ANKRD12: variants seen among roughly 807,000 people sequenced by gnomAD.
ANKRD12 encodes the protein ankyrin repeat domain-containing protein 12.
A neutral mutation model predicts 183.4 loss-of-function variants in ANKRD12; 85 were observed. That is an observed-to-expected ratio of 0.46 (90% CI 0.39 to 0.56). The LOEUF (loss-of-function observed/expected upper bound fraction) is 0.56. ANKRD12 is among the 20% of genes least tolerant of loss of function. The probability of loss-of-function intolerance (pLI) is 0.00; values close to 1 mark genes in which losing one functional copy is unlikely to be tolerated. For missense variants in ANKRD12, 2,405 were observed against 2,357.1 expected (o/e 1.02, Z -0.42); for synonymous variants, 914 against 800.2 (o/e 1.14, Z -2.40).
chr18:9,196,469 T>C (rs1411007887), intron 3 of ANKRD12, among the ~76,000 whole-genome samples: 1 of 152,214 alleles, frequency 6.6e-6, no homozygotes, highest in Non-Finnish European at 1.5e-5. Flanking sequence ...AATAATGAAC[T>C]GTTCTTAAAA....
At chr18:9,192,040 C>T (rs2034487883) in intron 2 of ANKRD12, among the ~76,000 whole-genome samples, 1 of 152,182 alleles carries the variant, frequency 6.6e-6, no homozygotes, top group Non-Finnish European at 1.5e-5. Context: ...CCTGGTACTT[C>T]CCTGTGTGGT....
chr18:9,193,569 C>T (rs72937259), intron 2 of ANKRD12, among the ~76,000 whole-genome samples: 11,146 of 151,826 alleles, frequency 0.073, 420 homozygotes, highest in African/African-American at 0.082. Flanking sequence ...ATTAAGTTCA[C>T]CAAAGGTTTG....
At chr18:9,191,211 C>T (rs2034434910) in intron 2 of ANKRD12, among the ~76,000 whole-genome samples, 1 of 152,146 alleles carries the variant, frequency 6.6e-6, no homozygotes, top group Non-Finnish European at 1.5e-5. Context: ...ATAAACCTAA[C>T]AGAGTTATGG....
At chr18:9,230,834 T>TA (rs202242592) in intron 8 of ANKRD12, among the ~76,000 whole-genome samples, 57 of 140,822 alleles carry the variant, frequency 4.0e-4, no homozygotes, top group Admixed American at 1.9e-3. Context: ...AATTTTTGTA[T>TA]TTTTTTTTTT....
At chr18:9,277,236 G>A (rs922651945) in intron 11 of ANKRD12, among the ~76,000 whole-genome samples, 1 of 151,612 alleles carries the variant, frequency 6.6e-6, no homozygotes, top group South Asian at 2.1e-4. Context: ...TGGGAGGATC[G>A]ATTAAGCCAA....
rs543689065 is a variant in ANKRD12 at position 9,211,014 on chromosome 18, T to A, written c.452-570T>A. Among the ~76,000 whole-genome samples the A allele has an allele frequency of 5.3e-5, 8 of 152,066 alleles. No individual in the cohort carries two copies. The South Asian group carries it at 6.2e-4, about 12-fold the overall frequency. ...CATCATCTAATTTAACTTTTTTTTT[T>A]TAAATATAGAAACTAGAACAAATAT... On this transcript the variant is annotated intron_variant, in intron 5 of 12. Transcript: ENST00000262126.
intron 1 of ANKRD12, among the ~76,000 whole-genome samples, chr18:9,179,678 G>C (rs1021565015): frequency 6.6e-6 from 1 of 152,024 alleles, no homozygotes; most frequent in Admixed American, 6.6e-5. Flanking sequence ...ACCATGCCCA[G>C]CTAATTTTTG....
chr18:9,141,406 G>A (rs192464825), intron 1 of ANKRD12, among the ~76,000 whole-genome samples: 103 of 152,202 alleles, frequency 6.8e-4, no homozygotes, highest in African/African-American at 2.4e-3. Flanking sequence ...AACTCATTTA[G>A]GATTTTCATA....
At chr18:9,142,500 A>G (rs1306989013) in intron 1 of ANKRD12, among the ~76,000 whole-genome samples, 1 of 151,692 alleles carries the variant, frequency 6.6e-6, no homozygotes, top group Non-Finnish European at 1.5e-5. Context: ...CACCAAATTC[A>G]TATTGTACAC....
At chr18:9,160,570 G>A (rs1375355708) in intron 1 of ANKRD12, among the ~76,000 whole-genome samples, 1 of 152,216 alleles carries the variant, frequency 6.6e-6, no homozygotes, top group Non-Finnish European at 1.5e-5. Flanking sequence ...CCCCTGGCAA[G>A]CACTGATGGA....
intron 1 of ANKRD12, among the ~76,000 whole-genome samples, chr18:9,137,331 G>A (rs1173453430): frequency 2.7e-5 from 4 of 146,534 alleles, no homozygotes; most frequent in Non-Finnish European, 6.1e-5. Context: ...GGAGGGCCGC[G>A]AGCTGGCCTC....
chr18:9,281,215 GC>G lies in ANKRD12; in HGVS notation c.*91del. The G allele has an allele frequency of 9.2e-7, 1 of 1,092,484 alleles. No individual in the cohort carries two copies. The highest frequency in any genetic ancestry group is 1.3e-6 in the Non-Finnish European group (1 of 766,832). 67.7% of individuals were successfully genotyped at this position (1,092,484 alleles called of 1,614,324 possible). On this transcript the variant is annotated 3_prime_UTR_variant, in exon 13 of 13. Transcript: ENST00000262126. ...ACTGCCTTTTGACAAAAATACTCAT[GC>G]CTTTACAATTGTTAGTAAAGTTCGA...
chr18:9,165,863 TCCCCCCCTCC>T (rs2031994567), intron 1 of ANKRD12, among the ~76,000 whole-genome samples: 1 of 94,070 alleles, frequency 1.1e-5, no homozygotes, highest in Admixed American at 1.2e-4. Context: ...ATGCTATCCC[TCCCCCCCTCC>T]CCCCACCCCA....
rs868249871 is a variant in ANKRD12 at position 9,192,341 on chromosome 18, A to G, written c.88-3210A>G. ...GGGTTTTCTTTAATCTTTTGATACA[A>G]TGAATTAAGAGGTTTTCTATCAGTG... On this transcript the variant is annotated intron_variant, in intron 2 of 12. Coordinates refer to ENST00000262126, the MANE Select transcript of ANKRD12 (RefSeq NM_015208.5). 7.9e-5 allele frequency among the ~76,000 whole-genome samples: 12 copies of G among 152,320 alleles called. No individual in the cohort carries two copies. The South Asian group carries it at 1.9e-3, about 24-fold the overall frequency.
intron 8 of ANKRD12, among the ~76,000 whole-genome samples, chr18:9,252,617 A>G (rs1375917110): frequency 6.6e-6 from 1 of 152,256 alleles, no homozygotes; most frequent in Non-Finnish European, 1.5e-5. Flanking sequence ...AATCAGGATC[A>G]CAAATGACAA....
intron 1 of ANKRD12, among the ~76,000 whole-genome samples, chr18:9,148,390 C>T (rs188001251): frequency 1.3e-5 from 2 of 151,988 alleles, no homozygotes; most frequent in East Asian, 3.9e-4. Flanking sequence ...ATATAACTGC[C>T]CATATTTATT....
At chr18:9,244,393 C>CT (rs2037835782) in intron 8 of ANKRD12, among the ~76,000 whole-genome samples, 1 of 151,906 alleles carries the variant, frequency 6.6e-6, no homozygotes, top group Non-Finnish European at 1.5e-5. Context: ...CTATATTGCC[C>CT]AGGCTGGTCT....
chr18:9,251,774 C>T (rs886642605), intron 8 of ANKRD12, among the ~76,000 whole-genome samples: 14 of 151,946 alleles, frequency 9.2e-5, no homozygotes, highest in Non-Finnish European at 1.8e-4. Context: ...ACCTGGGCGA[C>T]GGAGCGAGAC....
chr18:9,255,097 A>C lies in ANKRD12; in HGVS notation c.1830A>C (p.Lys610Asn). 1 of 1,578,814 alleles carries C rather than the reference A, an allele frequency of 6.3e-7. No homozygotes were observed. The highest frequency in any genetic ancestry group is 8.6e-7 in the Non-Finnish European group (1 of 1,169,234). The change falls in exon 9 of 13, where the codon AAA (lysine) becomes AAC (asparagine). Residue 610 changes from lysine (K) to asparagine (N), a missense_variant. Coordinates refer to ENST00000262126, the MANE Select transcript of ANKRD12 (RefSeq NM_015208.5). ...ATAAGGAAAAAAGCAAACATCAGAA[A>C]GATTTCCACTTAGAATTTGGTGAAA... Reference protein sequence around the residue: ...CKHKEKSKHQKDFHLEFGEKS... With the variant: ...CKHKEKSKHQNDFHLEFGEKS...
Sources: allele counts gnomAD v4.1 joint callset (sites outside exome capture counted in the v4.1 genomes callset), GRCh38; gene constraint gnomAD v4.1.1; transcripts MANE v1.5; gene names NCBI Gene and HGNC (gene_info 2026-07-23, HGNC 2026-07-21).